Variants in FGF14 observed in about 807,000 individuals in gnomAD.
FGF14 encodes fibroblast growth factor homologous factor 4.
In FGF14, 5 loss-of-function variants were observed where a neutral mutation model predicts 25.5. The observed-to-expected ratio is 0.20, with a 90% CI of 0.10 to 0.41. The LOEUF is 0.41. Ranked by LOEUF, FGF14 falls within the 10% of genes least tolerant of loss-of-function variation. The probability of loss-of-function intolerance (pLI) is 1.00; values close to 1 mark genes in which losing one functional copy is unlikely to be tolerated. For synonymous variants in FGF14, 138 were observed against 118.3 expected (o/e 1.17, Z -1.08); for missense variants, 222 against 320.1 (o/e 0.69, Z 2.34).
At chr13:102,131,808 T>C (rs974111698) in intron 1 of FGF14, among the ~76,000 whole-genome samples, 4 of 152,180 alleles carry the variant, frequency 2.6e-5, no homozygotes, top group African/African-American at 9.7e-5. Context: ...CAGAACCTAA[T>C]GTTCAAACTC....
In FGF14 at chr13:101,722,788, C is replaced by T; in HGVS notation, c.*43G>A. 6.2e-7 allele frequency: 1 copy of T among 1,612,490 alleles called. No homozygotes were observed. The highest frequency in any genetic ancestry group is 8.5e-7 in the Non-Finnish European group (1 of 1,178,966). On this transcript the variant is annotated 3_prime_UTR_variant, in exon 5 of 5. Coordinates refer to ENST00000376143, the MANE Select transcript of FGF14 (RefSeq NM_004115.4). ...TGTCTGGTGAGGATAAATCACTCAACTGTGCTCAGGACGAATAAGTCACAA... is the reference window on the plus strand; with the variant it reads ...TGTCTGGTGAGGATAAATCACTCAATTGTGCTCAGGACGAATAAGTCACAA...
rs544834801 is a variant in FGF14, at chr13:102,234,214, A to G, written c.208+167257T>C. 9.2e-5 allele frequency among the ~76,000 whole-genome samples: 14 copies of G among 151,432 alleles called. No individual in the cohort carries two copies. In the South Asian group the frequency reaches 2.1e-3, roughly 23 times the overall value. On this transcript the variant is annotated intron_variant, in intron 1 of 4. Coordinates refer to the FGF14 transcript ENST00000376131. ...TGTGAAGGTACTTAATACCATGGAAATATACGCTTAAATGTGAAGGTACTT... is the reference window on the plus strand; with the variant it reads ...TGTGAAGGTACTTAATACCATGGAAGTATACGCTTAAATGTGAAGGTACTT...
intron 1 of FGF14, among the ~76,000 whole-genome samples, chr13:102,004,194 G>T (rs1207929350): frequency 6.6e-6 from 1 of 152,188 alleles, no homozygotes; most frequent in Non-Finnish European, 1.5e-5. Context: ...GTGACTTTAG[G>T]AGAGAGGGAA....
rs112950879 is a variant in FGF14, at chr13:101,804,047, GA to G, written c.408+64677del. On this transcript the variant is annotated intron_variant, in intron 3 of 4. Transcript: ENST00000376143. ...AACCACAATATTTAAAGATTACTTA[GA>G]AAAAAAAAAAGCCAGAGAATAAGAA... is the stretch of plus-strand genomic sequence containing the variant. 1.1e-3 allele frequency among the ~76,000 whole-genome samples: 164 copies of G among 143,580 alleles called. 1 individual carries two copies. The highest frequency in any genetic ancestry group is 0.011 in the Middle Eastern group (3 of 284). The allele number at this position is 143,580 out of a possible 152,430, so 94.2% of individuals were successfully genotyped here. A position where few individuals can be genotyped will look rare whatever the true frequency, so the allele number is the denominator to read the frequency against.
At chr13:102,139,372 C>T (rs2046540892) in intron 1 of FGF14, among the ~76,000 whole-genome samples, 1 of 151,610 alleles carries the variant, frequency 6.6e-6, no homozygotes, top group East Asian at 1.9e-4. Context: ...TGCACTCCAG[C>T]CTGGGTGGTA....
intron 3 of FGF14, among the ~76,000 whole-genome samples, chr13:101,837,499 A>T (rs1213388708): frequency 6.6e-6 from 1 of 152,118 alleles, no homozygotes; most frequent in East Asian, 1.9e-4. Flanking sequence ...TGAATAAATG[A>T]TGGCTATCAT....
At chr13:102,276,483 T>C (rs896780730) in intron 1 of FGF14, among the ~76,000 whole-genome samples, 7 of 151,660 alleles carry the variant, frequency 4.6e-5, no homozygotes, top group African/African-American at 1.7e-4. Context: ...ACTTTCTTAA[T>C]GTTCATTGCA....
At chr13:102,014,050 A>C (rs1594989999) in intron 1 of FGF14, among the ~76,000 whole-genome samples, 1 of 152,130 alleles carries the variant, frequency 6.6e-6, no homozygotes, top group Non-Finnish European at 1.5e-5. Context: ...GTATCATTTT[A>C]AATAAGAAGA....
chr13:101,858,599 T>C (rs1204044966), intron 3 of FGF14, among the ~76,000 whole-genome samples: 1 of 152,038 alleles, frequency 6.6e-6, no homozygotes, highest in Admixed American at 6.6e-5. Flanking sequence ...CATGTACCAT[T>C]CACAAATATA....
At chr13:102,266,857 C>G (rs1398808463) in intron 1 of FGF14, among the ~76,000 whole-genome samples, 1 of 151,698 alleles carries the variant, frequency 6.6e-6, no homozygotes, top group East Asian at 1.9e-4. Context: ...GCAAATTACA[C>G]AAAAGTAAAG....
At chr13:101,835,238 T>TGA (rs889905173) in intron 3 of FGF14, among the ~76,000 whole-genome samples, 44 of 152,112 alleles carry the variant, frequency 2.9e-4, no homozygotes, top group African/African-American at 9.6e-4. Context: ...GGTGTGTGTG[T>TGA]GAGAGAGAGA....
At chr13:101,967,919 T>C (rs2037319492) in intron 1 of FGF14, among the ~76,000 whole-genome samples, 1 of 152,216 alleles carries the variant, frequency 6.6e-6, no homozygotes, top group Non-Finnish European at 1.5e-5. Context: ...GGCTTGGACA[T>C]GCTGGTAACA....
intron 1 of FGF14, among the ~76,000 whole-genome samples, chr13:102,168,163 GTGC>G (rs1343365594): frequency 1.3e-5 from 2 of 152,030 alleles, no homozygotes; most frequent in African/African-American, 4.8e-5. Flanking sequence ...AGTTTGCATA[GTGC>G]TGCTGATTAT....
At chr13:101,902,286 T>G (rs74758533) in intron 1 of FGF14, among the ~76,000 whole-genome samples, 4,537 of 151,492 alleles carry the variant, frequency 0.03, 240 homozygotes, top group African/African-American at 0.1. Flanking sequence ...GTCCTTATGC[T>G]CTTTCTCTTT....
chr13:102,022,387 C>T (rs935800172), intron 1 of FGF14, among the ~76,000 whole-genome samples: 2 of 152,080 alleles, frequency 1.3e-5, no homozygotes, highest in African/African-American at 4.8e-5. Flanking sequence ...CAAAGCTGTT[C>T]AGTCTCTTGG....
chr13:102,284,378 G>A (rs1325930371), intron 1 of FGF14, among the ~76,000 whole-genome samples: 1 of 152,080 alleles, frequency 6.6e-6, no homozygotes, highest in Non-Finnish European at 1.5e-5. Flanking sequence ...AAATAAGGCA[G>A]AACCTAATGA....
At chr13:101,888,448 G>A (rs1277280079) in intron 1 of FGF14, among the ~76,000 whole-genome samples, 1 of 151,884 alleles carries the variant, frequency 6.6e-6, no homozygotes, top group East Asian at 1.9e-4. Flanking sequence ...ATACATGAAT[G>A]TGTGTGTGTG....
chr13:101,910,797 G>A (rs551481014), intron 1 of FGF14, among the ~76,000 whole-genome samples: 37 of 148,440 alleles, frequency 2.5e-4, no homozygotes, highest in African/African-American at 8.9e-4. Flanking sequence ...GCTTTAAATT[G>A]CATTGACGTC....
chr13:102,131,138 G>T (rs1017700127), intron 1 of FGF14, among the ~76,000 whole-genome samples: 1 of 152,056 alleles, frequency 6.6e-6, no homozygotes, highest in African/African-American at 2.4e-5. Flanking sequence ...TCCCTCCTTT[G>T]CCTCTCCCTT....
Sources: allele counts gnomAD v4.1 joint callset (sites outside exome capture counted in the v4.1 genomes callset), GRCh38; gene constraint gnomAD v4.1.1; transcripts MANE v1.5; gene names NCBI Gene and HGNC (gene_info 2026-07-23, HGNC 2026-07-21).